SFMBT2: variants seen among roughly 807,000 people sequenced by gnomAD.
The protein encoded by SFMBT2 is scm-like with four MBT domains protein 2.
In SFMBT2, 38 loss-of-function variants were observed where a neutral mutation model predicts 110.1. That is an observed-to-expected ratio of 0.35 (90% CI 0.27 to 0.45). The LOEUF is 0.45. Among genes scored for constraint, SFMBT2 ranks in the 20% least tolerant of loss-of-function variants. The pLI is 1.00. For synonymous variants in SFMBT2, 425 were observed against 425.4 expected (o/e 1.00, Z 0.01); for missense variants, 1,011 against 1,094.9 (o/e 0.92, Z 1.08).
chr10:7,399,546 T>C (rs1023821804), intron 1 of SFMBT2, among the ~76,000 whole-genome samples: 1 of 152,234 alleles, frequency 6.6e-6, no homozygotes, highest in South Asian at 2.1e-4. Context: ...CACCAAATTT[T>C]ATAAATTATA....
intron 4 of SFMBT2, among the ~76,000 whole-genome samples, chr10:7,326,192 G>C (rs1843379463): frequency 6.6e-6 from 1 of 152,170 alleles, no homozygotes; most frequent in African/African-American, 2.4e-5. Context: ...CTGTATTCTT[G>C]AAAAATTCAG....
chr10:7,285,774 G>A, intron 5 of SFMBT2, 92 bp downstream of exon 5: 1 of 759,720 alleles, frequency 1.3e-6, no homozygotes, highest in Non-Finnish European at 2.4e-6. Flanking sequence ...GCACGCATCT[G>A]CTGAAGGATA....
At chr10:7,200,361 C>T in intron 14 of SFMBT2, 53 bp downstream of exon 14, 10 of 1,399,392 alleles carry the variant, frequency 7.1e-6, no homozygotes, top group Non-Finnish European at 9.6e-6. Context: ...CATGTCTCTG[C>T]TCCCGGCTGC....
rs978429273 is a variant in SFMBT2, at chr10:7,189,086, A to G, written c.1699-353T>C. ...CAACAGGATTACTCTTCAGTTGGAT[A>G]GGCTACTGAGAATTTCATTCTATTT... On this transcript the variant is annotated intron_variant, in intron 15 of 20. Coordinates refer to ENST00000397167, the MANE Select transcript of SFMBT2 (RefSeq NM_001387889.1). 22 of 855,008 alleles carry G rather than the reference A, an allele frequency of 2.6e-5. No homozygotes were observed. The African/African-American group carries it at 3.7e-4, about 14-fold the overall frequency. 53.0% of individuals were successfully genotyped at this position (855,008 alleles called of 1,614,324 possible).
chr10:7,322,103 G>A (rs896915651), intron 4 of SFMBT2, among the ~76,000 whole-genome samples: 5 of 152,220 alleles, frequency 3.3e-5, no homozygotes, highest in East Asian at 3.9e-4. Context: ...TAATTCCCAC[G>A]TGTCCCATGG....
At chr10:7,220,084 G>A (rs962047434) in intron 11 of SFMBT2, among the ~76,000 whole-genome samples, 4 of 152,040 alleles carry the variant, frequency 2.6e-5, no homozygotes, top group African/African-American at 4.8e-5. Flanking sequence ...GATAATAACC[G>A]AGACCTGGAA....
At chr10:7,379,698 G>C (rs188863370) in intron 2 of SFMBT2, among the ~76,000 whole-genome samples, 3 of 152,294 alleles carry the variant, frequency 2.0e-5, no homozygotes, top group Admixed American at 2.0e-4. Flanking sequence ...GAGCCATTTA[G>C]AAATAGTATT....
intron 11 of SFMBT2, chr10:7,206,544 G>T (rs1839144247): frequency 6.1e-6 from 6 of 985,268 alleles, no homozygotes; most frequent in Non-Finnish European, 7.2e-6. Flanking sequence ...CTCAGTTTGT[G>T]GCCTGTAGAC....
chr10:7,246,592 G>A (rs568088469), intron 8 of SFMBT2, among the ~76,000 whole-genome samples: 1 of 151,726 alleles, frequency 6.6e-6, no homozygotes, highest in African/African-American at 2.4e-5. Context: ...GGTGGCAGGC[G>A]CCTATAATCC....
chr10:7,283,794 C>T (rs1016612758), intron 6 of SFMBT2, 110 bp downstream of exon 6: 21 of 806,632 alleles, frequency 2.6e-5, no homozygotes, highest in South Asian at 2.0e-4. Flanking sequence ...TATTCACATA[C>T]TCAGATATAA....
At chr10:7,260,501 G>C (rs1310145116) in intron 7 of SFMBT2, among the ~76,000 whole-genome samples, 1 of 152,212 alleles carries the variant, frequency 6.6e-6, no homozygotes, top group Non-Finnish European at 1.5e-5. Flanking sequence ...CTCTCAGGCA[G>C]AGCAAGGCCC....
intron 10 of SFMBT2, among the ~76,000 whole-genome samples, chr10:7,223,673 T>C (rs1321305058): frequency 6.6e-6 from 1 of 152,220 alleles, no homozygotes; most frequent in African/African-American, 2.4e-5. Context: ...TTCTCTTTTT[T>C]ATAGTTTCTA....
Position 7,163,480 on chromosome 10 carries a change from T to G in SFMBT2, c.*290A>C. The G allele has an allele frequency of 1.2e-5, 4 of 342,836 alleles. No homozygotes were observed. Among genetic ancestry groups the G allele is most frequent in the Non-Finnish European group, 1.6e-5 (3 of 186,318 alleles). 21.2% of individuals were successfully genotyped at this position (342,836 alleles called of 1,614,324 possible). A position where few individuals can be genotyped will look rare whatever the true frequency, so the allele number is the denominator to read the frequency against. On this transcript the variant is annotated 3_prime_UTR_variant, in exon 21 of 21. Transcript: ENST00000397167. This position sits in a 1 kb window ranked among gnomAD's most constrained non-coding sequence, Gnocchi z 4.8. ...ACCCTGCTCCAAGGGAGCTGCCTGA[T>G]TTGGGGCAGGAGAAAGGCAAAACGT...
intron 4 of SFMBT2, among the ~76,000 whole-genome samples, chr10:7,365,226 G>C (rs1466813856): frequency 1.3e-5 from 2 of 152,216 alleles, no homozygotes; most frequent in African/African-American, 4.8e-5. Context: ...GCACTCACCT[G>C]AATAGAGAGG....
At chr10:7,342,295 T>G (rs1184642540) in intron 4 of SFMBT2, among the ~76,000 whole-genome samples, 4 of 151,720 alleles carry the variant, frequency 2.6e-5, no homozygotes, top group Non-Finnish European at 4.4e-5. Flanking sequence ...CATACATGCC[T>G]GTGCAAATTT....
chr10:7,320,022 CAGAAAG>C (rs907677546), intron 4 of SFMBT2, among the ~76,000 whole-genome samples: 4 of 145,250 alleles, frequency 2.8e-5, no homozygotes, highest in African/African-American at 5.1e-5. Context: ...AGGAGAGAGA[CAGAAAG>C]AGAAAGAGAG....
At chr10:7,369,551 G>A (rs904864280) in intron 3 of SFMBT2, among the ~76,000 whole-genome samples, 3 of 152,304 alleles carry the variant, frequency 2.0e-5, no homozygotes, top group Admixed American at 2.0e-4. Context: ...TTATTGATGA[G>A]AGTGGTTTTT....
intron 4 of SFMBT2, chr10:7,320,753 C>T: frequency 4.0e-6 from 1 of 251,358 alleles, no homozygotes; most frequent in Non-Finnish European, 6.3e-6. Context: ...CAGGGTCTTT[C>T]AGACCCTCCA....
intron 4 of SFMBT2, among the ~76,000 whole-genome samples, chr10:7,365,723 C>T (rs1016732439): frequency 6.6e-6 from 1 of 152,198 alleles, no homozygotes; most frequent in African/African-American, 2.4e-5. Flanking sequence ...ATAAACCAAA[C>T]ACAAAAGGCC....
Sources: gnomAD v4.1 joint callset for allele counts (sites outside exome capture counted in the v4.1 genomes callset) on GRCh38, gnomAD v4.1.1 for gene constraint, Gnocchi (gnomAD v3.1) non-coding constraint, MANE v1.5 for transcripts, NCBI Gene and HGNC (gene_info 2026-07-23, HGNC 2026-07-21) for gene names.